CLOCK: variants seen among roughly 807,000 people sequenced by gnomAD.
CLOCK encodes the protein clock circadian regulator.
A neutral mutation model predicts 118.4 loss-of-function variants in CLOCK; 43 were observed. The observed-to-expected ratio is 0.36, with a 90% CI of 0.28 to 0.47. The LOEUF (loss-of-function observed/expected upper bound fraction) is 0.47. Among genes scored for constraint, CLOCK ranks in the 20% least tolerant of loss-of-function variants. The pLI, the probability that CLOCK is intolerant of heterozygous loss-of-function variation, is 1.00. For missense variants in CLOCK, 846 were observed against 999.9 expected (o/e 0.85, Z 2.08); for synonymous variants, 326 against 339.2 (o/e 0.96, Z 0.43).
At position 55,453,133 on chromosome 4, in the gene CLOCK, C is replaced by T. The variant is rs1485686183; in HGVS notation, c.1131-4G>A. The T allele has an allele frequency of 6.2e-7, 1 of 1,611,292 alleles. No homozygotes were observed. Reference sequence around the variant, plus strand: ...TTCAGCCCTAACTTCTGCATAACTACAAATGGAAAAAATAATCAAATTTTA... The same window carrying T: ...TTCAGCCCTAACTTCTGCATAACTATAAATGGAAAAAATAATCAAATTTTA... On this transcript the variant is annotated splice_polypyrimidine_tract_variant and splice_region_variant and intron_variant, in intron 14 of 22. Coordinates refer to ENST00000513440, the MANE Select transcript of CLOCK (RefSeq NM_004898.4).
At chr4:55,489,665 T>C (rs2109942369) in intron 2 of CLOCK, among the ~76,000 whole-genome samples, 200 bp from the exon 3 acceptor site, 1 of 152,184 alleles carries the variant, frequency 6.6e-6, no homozygotes, top group South Asian at 2.1e-4. Flanking sequence ...CACTTAATTC[T>C]GGTACAGAAG....
chr4:55,487,802 T>A (rs1727394641), intron 3 of CLOCK, among the ~76,000 whole-genome samples: 1 of 152,188 alleles, frequency 6.6e-6, no homozygotes, highest in Non-Finnish European at 1.5e-5. Flanking sequence ...TTGTTTCAGC[T>A]TTCCCACAGC....
chr4:55,463,641 C>T (rs1357975673), intron 9 of CLOCK, 44 bp downstream of exon 9: 12 of 1,605,858 alleles, frequency 7.5e-6, no homozygotes, highest in South Asian at 2.2e-5. Context: ...GATAGTGCTA[C>T]TGAATACAAC....
intron 18 of CLOCK, among the ~76,000 whole-genome samples, chr4:55,446,402 G>A (rs1723854025): frequency 6.6e-6 from 1 of 152,108 alleles, no homozygotes; most frequent in South Asian, 2.1e-4. Context: ...AAAGGAAAAA[G>A]TAGTCTGCAC....
chr4:55,453,168 C>A, intron 14 of CLOCK, 39 bp from the exon 15 acceptor site: 1 of 1,522,104 alleles, frequency 6.6e-7, no homozygotes, highest in South Asian at 1.1e-5. Flanking sequence ...AGTGTCTGGT[C>A]ATTCGTTTAA....
At position 55,434,957 on chromosome 4, in the gene CLOCK, G is replaced by A. The variant is rs529647139; in HGVS notation, c.*458C>T. 2.9e-4 allele frequency: 53 copies of A among 180,886 alleles called. No homozygotes were observed. Among genetic ancestry groups the A allele is most frequent in the Non-Finnish European group, 5.3e-4 (45 of 84,480 alleles). 11.2% of individuals were successfully genotyped at this position (180,886 alleles called of 1,614,324 possible). ...CTGAAAAGGGAGAGGGGTTGGGGGA[G>A]GGGGTCGCTACCAAGTCTACTGGAC... On this transcript the variant is annotated 3_prime_UTR_variant, in exon 23 of 23. Transcript: ENST00000513440.
intron 8 of CLOCK, among the ~76,000 whole-genome samples, chr4:55,468,946 T>C (rs1186946845): frequency 1.3e-5 from 2 of 152,172 alleles, no homozygotes; most frequent in Non-Finnish European, 2.9e-5. Flanking sequence ...ATCAATGCAT[T>C]AGTCATCCTT....
At position 55,482,834 on chromosome 4, in the gene CLOCK, G is replaced by A. The variant is rs1413850565; in HGVS notation, c.-43-6C>T. On this transcript the variant is annotated splice_region_variant and splice_polypyrimidine_tract_variant and intron_variant, in intron 3 of 22. Coordinates refer to ENST00000513440, the MANE Select transcript of CLOCK (RefSeq NM_004898.4). Reference sequence around the variant, plus strand: ...AGTAGACATTTGTACTTCTCCTTAGGTGAAAAGAAAAATAAATGGTCATTA... The same window carrying A: ...AGTAGACATTTGTACTTCTCCTTAGATGAAAAGAAAAATAAATGGTCATTA... 3 of 1,370,714 alleles carry A rather than the reference G, an allele frequency of 2.2e-6. No individual in the cohort carries two copies. Among genetic ancestry groups the A allele is most frequent in the African/African-American group, 1.4e-5 (1 of 69,358 alleles). The allele number at this position is 1,370,714 out of a possible 1,614,324, so 84.9% of individuals were successfully genotyped here.
intron 13 of CLOCK, among the ~76,000 whole-genome samples, chr4:55,455,536 G>T (rs11725422): frequency 6.6e-6 from 1 of 152,016 alleles, no homozygotes; most frequent in African/African-American, 2.4e-5. Context: ...CATGTACCTA[G>T]CTCCTGAAAA....
chr4:55,435,792 A>T (rs563847687), intron 22 of CLOCK, among the ~76,000 whole-genome samples, 198 bp from the exon 23 acceptor site: 1 of 152,288 alleles, frequency 6.6e-6, no homozygotes, highest in Non-Finnish European at 1.5e-5. Flanking sequence ...AGTATGAGAG[A>T]GTTTCATTTT....
intron 2 of CLOCK, among the ~76,000 whole-genome samples, chr4:55,500,130 C>T (rs1256054028): frequency 6.6e-6 from 1 of 152,036 alleles, no homozygotes; most frequent in Non-Finnish European, 1.5e-5. Flanking sequence ...TTGCTAACTG[C>T]TGCACTCAAC....
intron 1 of CLOCK, among the ~76,000 whole-genome samples, chr4:55,537,215 G>A (rs1444896131): frequency 6.6e-6 from 1 of 152,144 alleles, no homozygotes; most frequent in Non-Finnish European, 1.5e-5. Context: ...AGGAGTGGAG[G>A]CTCACATCTG....
At chr4:55,446,279 G>A (rs181031821) in intron 18 of CLOCK, among the ~76,000 whole-genome samples, 1 of 151,704 alleles carries the variant, frequency 6.6e-6, no homozygotes, top group Non-Finnish European at 1.5e-5. Flanking sequence ...TTAAGAGATG[G>A]GGTCTCACTA....
chr4:55,469,126 T>A (rs1325626244), intron 8 of CLOCK, among the ~76,000 whole-genome samples: 1 of 139,492 alleles, frequency 7.2e-6, no homozygotes, highest in African/African-American at 2.5e-5. Context: ...ATTCTCTATT[T>A]ACATTTTTTT....
At chr4:55,488,308 T>G (rs998392692) in intron 3 of CLOCK, among the ~76,000 whole-genome samples, 1 of 152,194 alleles carries the variant, frequency 6.6e-6, no homozygotes, top group Non-Finnish European at 1.5e-5. Context: ...ATACACTTCC[T>G]AGATAAATCA....
chr4:55,443,696 T>C lies in CLOCK; in HGVS notation c.1893A>G (p.Thr631=), dbSNP rs768280039. 3.3e-5 allele frequency: 54 copies of C among 1,613,692 alleles called. No individual in the cohort carries two copies. Among genetic ancestry groups the C allele is most frequent in the Admixed American group, 6.7e-5 (4 of 60,006 alleles). Residue 631 remains threonine (T), a synonymous_variant, in exon 20 of 23, where the codon ACA becomes ACG. Transcript: ENST00000513440. ...HMIQQQTLQS[T]STQSQQNVLS... ...TGCTCAGTAACATTACCTGAGTTGA[T>C]GTACTCTGTAAAGTCTGTTGTTGTA...
intron 1 of CLOCK, among the ~76,000 whole-genome samples, chr4:55,544,400 A>C (rs1731477470): frequency 6.6e-6 from 1 of 152,120 alleles, no homozygotes; most frequent in Non-Finnish European, 1.5e-5. Context: ...AAAAAAGAGG[A>C]GGGGGAAACA....
At chr4:55,536,250 AG>A (rs1194663354) in intron 1 of CLOCK, among the ~76,000 whole-genome samples, 2 of 152,222 alleles carry the variant, frequency 1.3e-5, no homozygotes, top group Non-Finnish European at 2.9e-5. Flanking sequence ...TGAAAAAACA[AG>A]GAAAAATAAG....
In CLOCK at chr4:55,431,935, G is replaced by C. The variant is rs919046934; in HGVS notation, c.*3480C>G. ...CTCTTGATGGAGCTGGACTGCTTCA[G>C]TGCTCCTAGCGTCAAGCAGACTGCT... is the stretch of plus-strand genomic sequence containing the variant. On this transcript the variant is annotated 3_prime_UTR_variant, in exon 23 of 23. Transcript: ENST00000513440. 2.0e-5 allele frequency: 3 copies of C among 152,180 alleles called. No homozygotes were observed. The highest frequency in any genetic ancestry group is 4.4e-5 in the Non-Finnish European group (3 of 68,030). The allele number at this position is 152,180 out of a possible 1,614,324, so 9.4% of individuals were successfully genotyped here. A position where few individuals can be genotyped will look rare whatever the true frequency, so the allele number is the denominator to read the frequency against.
Sources: gnomAD v4.1 joint callset for allele counts (sites outside exome capture counted in the v4.1 genomes callset) on GRCh38, gnomAD v4.1.1 for gene constraint, MANE v1.5 for transcripts, NCBI Gene and HGNC (gene_info 2026-07-23, HGNC 2026-07-21) for gene names.